Variants in ORC3 observed in about 807,000 individuals in gnomAD.
ORC3 encodes the protein homolog of latheo, Drosophila.
In ORC3, 78 loss-of-function variants were observed where a neutral mutation model predicts 100.7. The observed-to-expected ratio is 0.77, with a 90% CI of 0.65 to 0.94. The LOEUF is 0.94. ORC3 is among the 40% of genes least tolerant of loss of function. The pLI, the probability that ORC3 is intolerant of heterozygous loss-of-function variation, is 0.00. For synonymous variants in ORC3, 295 were observed against 289.3 expected, an observed-to-expected ratio of 1.02 and a Z score of -0.20; for missense variants, 789 against 823.9, an observed-to-expected ratio of 0.96 and a Z score of 0.52.
intron 1 of ORC3, among the ~76,000 whole-genome samples, chr6:87,591,501 G>T (rs532650283): frequency 2.6e-5 from 4 of 152,254 alleles, no homozygotes; most frequent in Non-Finnish European, 4.4e-5. Context: ...AAATGGTACT[G>T]GTTTTATTTT....
chr6:87,601,237 A>G (rs1029872108), intron 2 of ORC3, among the ~76,000 whole-genome samples: 1 of 152,222 alleles, frequency 6.6e-6, no homozygotes, highest in African/African-American at 2.4e-5. Flanking sequence ...TAAAAAGCAA[A>G]TGATAGAAAT....
chr6:87,617,609 A>G (rs1269352754), intron 9 of ORC3, among the ~76,000 whole-genome samples: 1 of 151,976 alleles, frequency 6.6e-6, no homozygotes, highest in African/African-American at 2.4e-5. Context: ...TGGCTTATTT[A>G]TAGAGTCCCA....
chr6:87,649,957 CT>C (rs996772427), intron 13 of ORC3, among the ~76,000 whole-genome samples: 1 of 147,024 alleles, frequency 6.8e-6, no homozygotes, highest in Non-Finnish European at 1.5e-5. Context: ...TGAACATGGG[CT>C]TTTTTTTCAT....
chr6:87,677,680 T>G, the ORC3 span: 39 of 1,088,868 alleles, frequency 3.6e-5, 2 homozygotes, highest in South Asian at 5.8e-4. Context: ...GAAGGTTAAT[T>G]TTCTTTCCTG....
At chr6:87,631,043 A>ATTTTT (rs11414874) in intron 11 of ORC3, among the ~76,000 whole-genome samples, 1 of 136,568 alleles carries the variant, frequency 7.3e-6, no homozygotes, top group African/African-American at 2.8e-5. Context: ...GCTAATTTAA[A>ATTTTT]TTTTTTTTTT....
rs973294297 is a variant in ORC3 at position 87,662,986 on chromosome 6, C to T, written c.1692-17C>T. 6.3e-7 allele frequency: 1 copy of T among 1,580,802 alleles called. No individual in the cohort carries two copies. The highest frequency in any genetic ancestry group is 8.6e-7 in the Non-Finnish European group (1 of 1,158,556). On this transcript the variant is annotated splice_polypyrimidine_tract_variant and intron_variant, in intron 16 of 19. Coordinates refer to ENST00000392844, the MANE Select transcript of ORC3 (RefSeq NM_012381.4). Reference sequence around the variant, plus strand: ...CCTGTGCTTATCTAAACATGGATGCCTGACTGGCTGTTTCAGAGAATACCT... The same window carrying T: ...CCTGTGCTTATCTAAACATGGATGCTTGACTGGCTGTTTCAGAGAATACCT...
At chr6:87,663,818 A>G (rs28381541) in intron 17 of ORC3, among the ~76,000 whole-genome samples, 4,401 of 152,320 alleles carry the variant, frequency 0.029, 215 homozygotes, top group African/African-American at 0.1. Flanking sequence ...AGCTGTATAT[A>G]CATGAAAGAG....
In ORC3 at chr6:87,662,441, C is replaced by A. The variant is rs1025168512; in HGVS notation, c.1692-562C>A. ...GAGTGAAACTCCGTCTCAAAAAAAA[C>A]CAAAACAAAACAAAAAAACCCCACA... On this transcript the variant is annotated intron_variant, in intron 16 of 19. Transcript: ENST00000392844. Among the ~76,000 whole-genome samples, 20 of 152,010 alleles carry A rather than the reference C, an allele frequency of 1.3e-4. No individual in the cohort carries two copies. In the East Asian group the frequency reaches 3.1e-3, roughly 23 times the overall value.
intron 13 of ORC3, among the ~76,000 whole-genome samples, chr6:87,640,327 CCT>C (rs1228409530): frequency 5.3e-5 from 8 of 152,074 alleles, no homozygotes; most frequent in African/African-American, 1.9e-4. Context: ...TGGAAAAAGA[CCT>C]ATATAATTTT....
chr6:87,625,341 A>T (rs1256253608), intron 11 of ORC3, among the ~76,000 whole-genome samples: 2 of 152,094 alleles, frequency 1.3e-5, no homozygotes, highest in African/African-American at 4.8e-5. Flanking sequence ...ATTTCTCCAC[A>T]TTCTCTCCAG....
intron 11 of ORC3, among the ~76,000 whole-genome samples, chr6:87,627,981 A>G (rs897076348): frequency 3.3e-5 from 5 of 152,242 alleles, no homozygotes; most frequent in African/African-American, 1.2e-4. Flanking sequence ...GACGTTAACA[A>G]AAACCTTTAA....
At chr6:87,622,508 T>C (rs1286377722) in intron 11 of ORC3, among the ~76,000 whole-genome samples, 1 of 152,128 alleles carries the variant, frequency 6.6e-6, no homozygotes, top group African/African-American at 2.4e-5. Flanking sequence ...ATCAGTGAGC[T>C]GTACAACATA....
At chr6:87,664,537 A>AGT (rs1483743929) in intron 17 of ORC3, among the ~76,000 whole-genome samples, 2 of 152,210 alleles carry the variant, frequency 1.3e-5, no homozygotes, top group Non-Finnish European at 2.9e-5. Flanking sequence ...ATATTCTTCT[A>AGT]GTGACTAAGA....
At position 87,663,057 on chromosome 6, in the gene ORC3, T is replaced by C. The variant is rs1401389340; in HGVS notation, c.1746T>C (p.Ser582=). ...CTCTCCATGAGGTGGTGTACTTCAG[T>C]GCTGCCCATGCCCTTCGTGAGCATT... ...TQPLHEVVYF[S]AAHALREHLN... The change falls in exon 17 of 20, where the codon AGT becomes AGC. Residue 582 remains serine, a synonymous_variant. Transcript: ENST00000392844. 6.2e-7 allele frequency: 1 copy of C among 1,612,986 alleles called. No homozygotes were observed. The highest frequency in any genetic ancestry group is 2.2e-5 in the East Asian group (1 of 44,882).
At position 87,590,165 on chromosome 6, in the gene ORC3, G is replaced by A. The variant is rs765344789; in HGVS notation, c.-4G>A. Reference sequence around the variant, plus strand: ...CATCTGGAATACGCAGAGTCAGTAAGACCATGGCTACGTCCTCGATGTCTA... The same window carrying A: ...CATCTGGAATACGCAGAGTCAGTAAAACCATGGCTACGTCCTCGATGTCTA... On this transcript the variant is annotated 5_prime_UTR_variant, in exon 1 of 20. Coordinates refer to ENST00000392844, the MANE Select transcript of ORC3 (RefSeq NM_012381.4). 1 of 1,614,086 alleles carries A rather than the reference G, an allele frequency of 6.2e-7. No individual in the cohort carries two copies. The highest frequency in any genetic ancestry group is 8.5e-7 in the Non-Finnish European group (1 of 1,179,986).
At chr6:87,642,299 T>A (rs77499285) in intron 13 of ORC3, among the ~76,000 whole-genome samples, 9,768 of 150,566 alleles carry the variant, frequency 0.065, 409 homozygotes, top group African/African-American at 0.12. Context: ...CTCAAAAAAA[T>A]TAATAAATAG....
At chr6:87,642,685 G>A (rs933667244) in intron 13 of ORC3, among the ~76,000 whole-genome samples, 7 of 151,530 alleles carry the variant, frequency 4.6e-5, no homozygotes, top group Non-Finnish European at 4.4e-5. Context: ...GATGGATCAC[G>A]AGGTCAGGAG....
At chr6:87,612,310 T>C in intron 8 of ORC3, 62 bp downstream of exon 8, 1 of 1,148,188 alleles carries the variant, frequency 8.7e-7, no homozygotes, top group Non-Finnish European at 1.2e-6. Context: ...TAATAGATTG[T>C]TAAGATAACT....
At chr6:87,661,182 A>G (rs781114542) in intron 16 of ORC3, among the ~76,000 whole-genome samples, 1 of 145,258 alleles carries the variant, frequency 6.9e-6, no homozygotes, top group Non-Finnish European at 1.6e-5. Context: ...GCCATGTATA[A>G]TGATTGGGAA....
Sources: allele counts gnomAD v4.1 joint callset (sites outside exome capture counted in the v4.1 genomes callset), GRCh38; gene constraint gnomAD v4.1.1; transcripts MANE v1.5; gene names NCBI Gene and HGNC (gene_info 2026-07-23, HGNC 2026-07-21).